The following SYN3 variants were observed in gnomAD, a reference collection of about 807,000 sequenced individuals.
SYN3 encodes the protein synapsin III, also known as synapsin-3.
A neutral mutation model predicts 65.8 loss-of-function variants in SYN3; 35 were observed. The observed-to-expected ratio is 0.53, with a 90% CI of 0.41 to 0.70. The LOEUF (loss-of-function observed/expected upper bound fraction) is 0.70, where lower values mean the gene tolerates loss of function less well. Ranked by LOEUF, SYN3 falls within the 30% of genes least tolerant of loss-of-function variation. The pLI is 0.00. For missense variants in SYN3, 680 were observed against 749.0 expected (o/e 0.91, Z 1.08); for synonymous variants, 270 against 292.9 (o/e 0.92, Z 0.80).
intron 7 of SYN3, among the ~76,000 whole-genome samples, chr22:32,588,598 C>A (rs73881743): frequency 0.011 from 1,654 of 152,296 alleles, 22 homozygotes; most frequent in African/African-American, 0.038. Flanking sequence ...TTTATTCTAT[C>A]ATCATTACAA....
chr22:32,556,499 A>G (rs1176006813), intron 7 of SYN3, among the ~76,000 whole-genome samples: 1 of 151,578 alleles, frequency 6.6e-6, no homozygotes, highest in African/African-American at 2.4e-5. Flanking sequence ...CGTCTGACAG[A>G]CGCTGAGAAT....
intron 1 of SYN3, among the ~76,000 whole-genome samples, chr22:33,010,521 C>T (rs1261263503): frequency 6.6e-6 from 1 of 152,200 alleles, no homozygotes; most frequent in African/African-American, 2.4e-5. Flanking sequence ...GTTTAATATG[C>T]TCCACTGATC....
chr22:33,008,041 A>T (rs1057109454), intron 1 of SYN3, among the ~76,000 whole-genome samples: 1 of 151,724 alleles, frequency 6.6e-6, no homozygotes, highest in Non-Finnish European at 1.5e-5. Flanking sequence ...GATTCAAGTG[A>T]TTCTCCTGTC....
intron 6 of SYN3, among the ~76,000 whole-genome samples, chr22:32,730,916 G>T (rs1490072594): frequency 6.6e-6 from 1 of 152,070 alleles, no homozygotes; most frequent in Non-Finnish European, 1.5e-5. Flanking sequence ...GCAACATTCT[G>T]TCACCCTGTA....
intron 6 of SYN3, among the ~76,000 whole-genome samples, chr22:32,627,060 C>T (rs561245101): frequency 6.6e-6 from 1 of 152,266 alleles, no homozygotes; most frequent in Non-Finnish European, 1.5e-5. Flanking sequence ...CTGCCACTGG[C>T]TGGGGCGTCG....
chr22:32,864,825 G>T, intron 6 of SYN3, 90 bp downstream of exon 6: 2 of 1,219,310 alleles, frequency 1.6e-6, no homozygotes, highest in Non-Finnish European at 2.4e-6. Flanking sequence ...AACCCCTAGA[G>T]TCCACCTCCT....
At chr22:32,802,057 G>A in intron 6 of SYN3, 1 of 1,576,302 alleles carries the variant, frequency 6.3e-7, no homozygotes, top group Non-Finnish European at 8.6e-7. Context: ...CTGGGGGACT[G>A]GGGCGCCGAG....
intron 6 of SYN3, among the ~76,000 whole-genome samples, chr22:32,759,773 C>T (rs149661065): frequency 0.057 from 4,901 of 85,292 alleles, 595 homozygotes; most frequent in Admixed American, 0.09. Flanking sequence ...CCAGTCAGCA[C>T]CCACGGCACC....
At chr22:32,835,479 T>TCA (rs1283093245) in intron 6 of SYN3, among the ~76,000 whole-genome samples, 1 of 151,364 alleles carries the variant, frequency 6.6e-6, no homozygotes, top group East Asian at 1.9e-4. Context: ...TTGCAGGAGG[T>TCA]GGTTGGGGAT....
rs2057728477 is a variant in SYN3 at position 32,513,966 on chromosome 22, T to C, written c.1611-142A>G. ...GACCAGAAACCAGGCATTCCAATGC[T>C]TACATGATGTCAGGTACATTACACA... On this transcript the variant is annotated intron_variant, in intron 13 of 13. Coordinates refer to ENST00000358763, the MANE Select transcript of SYN3 (RefSeq NM_003490.4). The C allele has an allele frequency of 1.4e-5, 15 of 1,050,856 alleles. No homozygotes were observed. The South Asian group carries it at 2.4e-4, about 17-fold the overall frequency. 65.1% of individuals were successfully genotyped at this position (1,050,856 alleles called of 1,614,324 possible).
At chr22:32,949,060 A>T (rs1044712337) in intron 3 of SYN3, among the ~76,000 whole-genome samples, 1 of 152,072 alleles carries the variant, frequency 6.6e-6, no homozygotes, top group Admixed American at 6.5e-5. Context: ...CTAATCCCAA[A>T]ATCCAAAATC....
chr22:32,906,261 AAAGGGGATT>A (rs1021955588), intron 4 of SYN3, among the ~76,000 whole-genome samples: 18 of 152,142 alleles, frequency 1.2e-4, no homozygotes, highest in Non-Finnish European at 1.8e-4. Flanking sequence ...GCATGTTGAA[AAAGGGGATT>A]CTTGGGCCTC....
At chr22:32,519,386 CT>C (rs2057837775) in intron 12 of SYN3, 1 of 151,904 alleles carries the variant, frequency 6.6e-6, no homozygotes, top group Non-Finnish European at 1.5e-5. Flanking sequence ...TTAACTCTTA[CT>C]TTTTGAGTTG....
chr22:32,853,171 G>A (rs1411782890), intron 6 of SYN3, among the ~76,000 whole-genome samples: 1 of 152,202 alleles, frequency 6.6e-6, no homozygotes, highest in African/African-American at 2.4e-5. Context: ...AGCCCACAGG[G>A]AACCATTCTT....
At chr22:32,581,580 C>T (rs1223860746) in intron 7 of SYN3, among the ~76,000 whole-genome samples, 1 of 152,092 alleles carries the variant, frequency 6.6e-6, no homozygotes, top group East Asian at 1.9e-4. Flanking sequence ...AGGGTAAGGC[C>T]AAATTCAGTG....
Position 33,050,659 on chromosome 22 carries a change from G to A in SYN3, c.-163+7633C>T, listed in dbSNP as rs556773351. On this transcript the variant is annotated intron_variant, in intron 1 of 13. Transcript: ENST00000358763. ...TCTCAAAACCAGCACATGACTTCTA[G>A]TACAGAAACAGCATGCAAGGAAACA... Among the ~76,000 whole-genome samples, 374 of 152,204 alleles carry A rather than the reference G, an allele frequency of 2.5e-3. 1 individual carries two copies. The highest frequency in any genetic ancestry group is 4.2e-3 in the Non-Finnish European group (289 of 68,018).
At chr22:32,610,091 G>A (rs528510829) in intron 6 of SYN3, among the ~76,000 whole-genome samples, 163 of 152,194 alleles carry the variant, frequency 1.1e-3, no homozygotes, top group Admixed American at 1.8e-3. Context: ...GACCAGCCTG[G>A]GCAATATGGT....
chr22:32,943,475 C>A (rs920346328), intron 3 of SYN3, among the ~76,000 whole-genome samples: 2 of 152,176 alleles, frequency 1.3e-5, no homozygotes, highest in African/African-American at 4.8e-5. Flanking sequence ...ACAACCGGTA[C>A]ATCTGGCATG....
chr22:32,936,944 C>G (rs2050792051), intron 3 of SYN3, among the ~76,000 whole-genome samples: 1 of 151,770 alleles, frequency 6.6e-6, no homozygotes, highest in Admixed American at 6.5e-5. Context: ...AAGCTTAAAA[C>G]CAAGTCTTGA....
Sources: gnomAD v4.1 joint callset for allele counts (sites outside exome capture counted in the v4.1 genomes callset) on GRCh38, gnomAD v4.1.1 for gene constraint, MANE v1.5 for transcripts, NCBI Gene and HGNC (gene_info 2026-07-23, HGNC 2026-07-21) for gene names.